ANAPC2: variants seen among roughly 807,000 people sequenced by gnomAD.
The protein encoded by ANAPC2 is anaphase-promoting complex subunit 2.
Under a neutral mutation model 84.3 loss-of-function variants are expected in ANAPC2, and 29 were observed. That is an observed-to-expected ratio of 0.34 (90% confidence interval 0.26 to 0.47). ANAPC2 has a LOEUF of 0.47. ANAPC2 is among the 20% of genes least tolerant of loss of function. ANAPC2 has a pLI of 1.00. For missense variants in ANAPC2, 857 were observed against 1,131.7 expected (o/e 0.76, Z 3.48); for synonymous variants, 571 against 479.4 (o/e 1.19, Z -2.50).
At position 137,187,783 on chromosome 9, in the gene ANAPC2, A is replaced by T; in HGVS notation, c.438T>A (p.Ala146=). 1 of 1,613,688 alleles carries T rather than the reference A, an allele frequency of 6.2e-7. No homozygotes were observed. The highest frequency in any genetic ancestry group is 8.5e-7 in the Non-Finnish European group (1 of 1,180,040). ...TGTGGACTTCTTCTCGCAGCCCCTG[A>T]GCACCAGTGCCCATCAGCAAGCCCA... The part of the protein sequence containing the change: ...TRLGLLMGTG[A]QGLREEVHTM... Residue 146 remains alanine (A), a synonymous_variant, in exon 2 of 13, where the codon GCT becomes GCA. Coordinates refer to ENST00000323927, the MANE Select transcript of ANAPC2 (RefSeq NM_013366.4).
Position 137,181,543 on chromosome 9 carries a change from C to T in ANAPC2, c.1468+138G>A, listed in dbSNP as rs943219906. 4.0e-6 allele frequency: 4 copies of T among 1,003,658 alleles called. No homozygotes were observed. The African/African-American group carries it at 6.7e-5, about 17-fold the overall frequency. The allele number at this position is 1,003,658 out of a possible 1,614,324, so 62.2% of individuals were successfully genotyped here. A position where few individuals can be genotyped will look rare whatever the true frequency, so the allele number is the denominator to read the frequency against. ...GCAGGTGGCGGAGCACTGCCCTGAC[C>T]TTTGACACCCTCAAGCCTCTGAGAC... On this transcript the variant is annotated intron_variant, in intron 7 of 12. Transcript: ENST00000323927.
Position 137,175,387 on chromosome 9 carries a change from C to G in ANAPC2, c.2106G>C (p.Gln702His), listed in dbSNP as rs750906728. Residue 702 changes from glutamine to histidine, a missense_variant, in exon 12 of 13, where the codon CAG (glutamine) becomes CAC (histidine). Transcript: ENST00000323927. ...LRRRMSVWLQ[Q>H]GVLREEPPGT... ...CGGGGGGCTCCTCACGCAGCACACC[C>G]TGCTGCAGCCACACGGACATCCGCC... is the stretch of plus-strand genomic sequence containing the variant. 4 of 1,609,998 alleles carry G rather than the reference C, an allele frequency of 2.5e-6. No homozygotes were observed. In the Admixed American group the frequency reaches 6.7e-5, roughly 27 times the overall value.
rs781770336 is a variant in ANAPC2, at chr9:137,183,438, C to G, written c.1169-196G>C. ...TGCAGGGAGGTCTGTTCTGAGAGAACTAAGTCTCATCACCTCAGACCTACC... is the reference window on the plus strand; with the variant it reads ...TGCAGGGAGGTCTGTTCTGAGAGAAGTAAGTCTCATCACCTCAGACCTACC... On this transcript the variant is annotated intron_variant, in intron 5 of 12. Transcript: ENST00000323927. The G allele has an allele frequency of 2.1e-5, 16 of 752,118 alleles. No homozygotes were observed. The South Asian group carries it at 2.7e-4, about 13-fold the overall frequency. The allele number at this position is 752,118 out of a possible 1,614,324, so 46.6% of individuals were successfully genotyped here.
Position 137,174,907 on chromosome 9 carries a change from G to A in ANAPC2, c.*35C>T. 1 of 1,464,966 alleles carries A rather than the reference G, an allele frequency of 6.8e-7. No homozygotes were observed. Among genetic ancestry groups the A allele is most frequent in the Non-Finnish European group, 9.1e-7 (1 of 1,103,948 alleles). The allele number at this position is 1,464,966 out of a possible 1,614,324, so 90.7% of individuals were successfully genotyped here. The stretch of plus-strand genomic sequence containing the variant: ...GGAGGACGAGAGCACCTGCAGGGCA[G>A]CGCCTGGCGGGCGGGCGGGCGGGCG... On this transcript the variant is annotated 3_prime_UTR_variant, in exon 13 of 13. Transcript: ENST00000323927. The surrounding 1 kb of genome is among the most constrained non-coding windows in gnomAD (Gnocchi z 6.1).
rs201323692 is a variant in ANAPC2 at position 137,181,749 on chromosome 9, C to A, written c.1400G>T (p.Gly467Val). 2 of 1,612,320 alleles carry A rather than the reference C, an allele frequency of 1.2e-6. No homozygotes were observed. The highest frequency in any genetic ancestry group is 2.2e-5 in the East Asian group (1 of 44,882). ...SKTDPASLET[G>V]QDSEDDSGEP... is the part of the protein sequence containing the mutation. ...GCCTGAGTCATCCTCACTGTCCTGG[C>A]CTGTCTCCAGGCTCGCCGGGTCGGT... is the stretch of plus-strand genomic sequence containing the variant. The change falls in exon 7 of 13, where the codon GGC (glycine) becomes GTC (valine). Residue 467 changes from glycine to valine, a missense_variant. Physicochemically the swap from Gly to Val is moderately radical, Grantham distance 109. Transcript: ENST00000323927.
At chr9:137,175,948 C>T in intron 10 of ANAPC2, 111 bp from the exon 11 acceptor site, 2 of 1,358,022 alleles carry the variant, frequency 1.5e-6, no homozygotes, top group Admixed American at 5.1e-5. Context: ...CCTGCCCCAC[C>T]CCACCCTGGC....
chr9:137,185,868 G>A (rs1474872444), intron 3 of ANAPC2, among the ~76,000 whole-genome samples: 1 of 152,130 alleles, frequency 6.6e-6, no homozygotes, highest in East Asian at 1.9e-4. Context: ...CCGGCCAAGC[G>A]AGTCCACACT....
intron 10 of ANAPC2, among the ~76,000 whole-genome samples, chr9:137,179,330 C>T (rs1333796693): frequency 2.0e-5 from 3 of 152,112 alleles, no homozygotes; most frequent in African/African-American, 7.2e-5. Flanking sequence ...CTGTGACGAC[C>T]ATCCCGACCC....
intron 3 of ANAPC2, among the ~76,000 whole-genome samples, chr9:137,185,738 C>T (rs370807719): frequency 3.7e-4 from 56 of 152,274 alleles, no homozygotes; most frequent in East Asian, 3.3e-3. Context: ...CCTATGGCTC[C>T]GGGAGCCCAG....
chr9:137,188,207 C>G (rs929911675), intron 1 of ANAPC2, 104 bp from the exon 2 acceptor site: 3 of 1,442,172 alleles, frequency 2.1e-6, no homozygotes, highest in Admixed American at 4.3e-5. Context: ...TCCGCTGCCC[C>G]CTGTCCGTGC....
chr9:137,175,955 T>G, intron 10 of ANAPC2, 118 bp from the exon 11 acceptor site: 1 of 1,321,960 alleles, frequency 7.6e-7, no homozygotes, highest in Non-Finnish European at 1.0e-6. Flanking sequence ...CACCCCACCC[T>G]GGCAGGCAGG....
chr9:137,181,267 T>C (rs28451678), intron 7 of ANAPC2, among the ~76,000 whole-genome samples: 42,649 of 152,222 alleles, frequency 0.28, 6,344 homozygotes, highest in African/African-American at 0.37. Context: ...CTGGGCCCCA[T>C]AGCCCTCAGA....
At chr9:137,181,578 A>C (rs1588760790) in intron 7 of ANAPC2, 103 bp downstream of exon 7, 1 of 1,283,962 alleles carries the variant, frequency 7.8e-7, no homozygotes, top group Non-Finnish European at 1.0e-6. Flanking sequence ...CACTAGCGAC[A>C]CCTGACACAG....
chr9:137,182,054 G>A (rs1834355185), intron 6 of ANAPC2, among the ~76,000 whole-genome samples, 192 bp from the exon 7 acceptor site: 1 of 152,226 alleles, frequency 6.6e-6, no homozygotes, highest in African/African-American at 2.4e-5. Context: ...TTACTTGGGA[G>A]CAGCAGGAGC....
chr9:137,187,220 C>T, intron 2 of ANAPC2: 1 of 500,630 alleles, frequency 2.0e-6, no homozygotes, highest in Non-Finnish European at 3.5e-6. Flanking sequence ...TTTGGAGTTG[C>T]TAAGAAATTT....
chr9:137,186,458 G>GCACACA, intron 2 of ANAPC2, 102 bp from the exon 3 acceptor site: 5 of 1,330,352 alleles, frequency 3.8e-6, no homozygotes, highest in Non-Finnish European at 4.1e-6. Flanking sequence ...AGTGCATGCA[G>GCACACA]CACACACACA....
chr9:137,185,339 C>T (rs935497756), intron 3 of ANAPC2, among the ~76,000 whole-genome samples: 1 of 152,248 alleles, frequency 6.6e-6, no homozygotes, highest in Non-Finnish European at 1.5e-5. Context: ...TCACTGGCAG[C>T]AGCAACCCTA....
Position 137,184,007 on chromosome 9 carries a change from C to T in ANAPC2, c.1049-216G>A, listed in dbSNP as rs566159377. Among the ~76,000 whole-genome samples, 8 of 152,342 alleles carry T rather than the reference C, an allele frequency of 5.3e-5. No homozygotes were observed. The South Asian group carries it at 1.7e-3, about 32-fold the overall frequency. On this transcript the variant is annotated intron_variant, in intron 4 of 12. Coordinates refer to ENST00000323927, the MANE Select transcript of ANAPC2 (RefSeq NM_013366.4). ...GGTGGACAGAGCAACACCCAGGGGC[C>T]AGTCCCCAGCAGGAGCCAAGGCCAA...
intron 3 of ANAPC2, among the ~76,000 whole-genome samples, chr9:137,185,312 G>A (rs1014730850): frequency 2.6e-5 from 4 of 152,196 alleles, no homozygotes; most frequent in Admixed American, 6.5e-5. Flanking sequence ...TCTCACACGC[G>A]CCAGTGCCCA....
Sources: allele counts gnomAD v4.1 joint callset (sites outside exome capture counted in the v4.1 genomes callset), GRCh38; gene constraint gnomAD v4.1.1; non-coding constraint Gnocchi (gnomAD v3.1); transcripts MANE v1.5; gene names NCBI Gene and HGNC (gene_info 2026-07-23, HGNC 2026-07-21).